The following L3MBTL4 variants were observed in gnomAD, a reference collection of about 807,000 sequenced individuals.
The protein encoded by L3MBTL4 is lethal(3)malignant brain tumor-like protein 4.
In L3MBTL4, 70 loss-of-function variants were observed where a neutral mutation model predicts 84.5. The observed-to-expected ratio is 0.83, with a 90% CI of 0.68 to 1.01. The LOEUF is 1.01. L3MBTL4 is among the 50% of genes least tolerant of loss of function. The probability of loss-of-function intolerance (pLI) is 0.00; values close to 1 mark genes in which losing one functional copy is unlikely to be tolerated. For missense variants in L3MBTL4, 715 were observed against 754.8 expected, an observed-to-expected ratio of 0.95 and a Z score of 0.62; for synonymous variants, 274 against 259.8, an observed-to-expected ratio of 1.05 and a Z score of -0.52.
At chr18:6,047,950 A>T (rs760099464) in intron 16 of L3MBTL4, among the ~76,000 whole-genome samples, 31 of 152,366 alleles carry the variant, frequency 2.0e-4, no homozygotes, top group Non-Finnish European at 4.0e-4. Context: ...AAATAGGAAA[A>T]GAATAAGTCA....
chr18:6,182,035 G>T (rs569707861), intron 12 of L3MBTL4, among the ~76,000 whole-genome samples: 2 of 152,292 alleles, frequency 1.3e-5, no homozygotes, highest in South Asian at 4.1e-4. Flanking sequence ...CTGCTGGGTT[G>T]AATGGCAATT....
intron 5 of L3MBTL4, among the ~76,000 whole-genome samples, chr18:6,248,651 T>A (rs2047790452): frequency 6.6e-6 from 1 of 152,200 alleles, no homozygotes; most frequent in Non-Finnish European, 1.5e-5. Flanking sequence ...ATGTAGGTTT[T>A]TCTTATTTCC....
Position 5,972,630 on chromosome 18 carries a change from T to C in L3MBTL4, c.1445-3068A>G, listed in dbSNP as rs190929131. 1.2e-4 allele frequency among the ~76,000 whole-genome samples: 18 copies of C among 152,272 alleles called. No individual in the cohort carries two copies. In the East Asian group the frequency reaches 3.1e-3, roughly 26 times the overall value. On this transcript the variant is annotated intron_variant, in intron 16 of 18. Coordinates refer to ENST00000317931, the MANE Select transcript of L3MBTL4 (RefSeq NM_001330559.2). ...AGTGTTTCGCGGGGGCTGTTTTGCC[T>C]TCTTTGTACTCTTTAGCAGGTCTAA...
intron 16 of L3MBTL4, among the ~76,000 whole-genome samples, chr18:6,017,280 G>T (rs11876631): frequency 0.051 from 7,801 of 152,252 alleles, 449 homozygotes; most frequent in Admixed American, 0.17. Flanking sequence ...GACAGTCTGG[G>T]CCTGCTGCTG....
chr18:6,017,415 T>C (rs903301491), intron 16 of L3MBTL4, among the ~76,000 whole-genome samples: 16 of 152,204 alleles, frequency 1.1e-4, no homozygotes, highest in Non-Finnish European at 2.2e-4. Context: ...AGCTGTGGAA[T>C]TTTATTTACT....
intron 13 of L3MBTL4, among the ~76,000 whole-genome samples, chr18:6,153,717 G>A (rs2042986128): frequency 6.6e-6 from 1 of 152,158 alleles, no homozygotes; most frequent in South Asian, 2.1e-4. Context: ...TTTTCCCCAT[G>A]CTGTTCTCAT....
intron 14 of L3MBTL4, among the ~76,000 whole-genome samples, chr18:6,096,000 T>A (rs1482727556): frequency 6.6e-6 from 1 of 152,214 alleles, no homozygotes. Context: ...ATACTATGAC[T>A]CAGAAGTTTT....
chr18:6,139,696 A>G (rs1818614364), intron 13 of L3MBTL4, among the ~76,000 whole-genome samples: 2 of 151,906 alleles, frequency 1.3e-5, no homozygotes, highest in Admixed American at 1.3e-4. Flanking sequence ...TCATCTCAAT[A>G]TTCCCCATTT....
At chr18:6,014,766 T>C (rs1454207360) in intron 16 of L3MBTL4, among the ~76,000 whole-genome samples, 2 of 152,004 alleles carry the variant, frequency 1.3e-5, no homozygotes, top group Non-Finnish European at 2.9e-5. Flanking sequence ...CCCAAGAATA[T>C]TGGGGAAACT....
intron 16 of L3MBTL4, among the ~76,000 whole-genome samples, chr18:6,060,007 G>T (rs9946356): frequency 0.075 from 11,488 of 152,224 alleles, 536 homozygotes; most frequent in African/African-American, 0.13. Flanking sequence ...AAAGAAAGTA[G>T]TAGAGTGCTG....
chr18:6,061,149 A>T (rs1046436513), intron 16 of L3MBTL4, among the ~76,000 whole-genome samples: 4 of 152,140 alleles, frequency 2.6e-5, no homozygotes, highest in African/African-American at 9.6e-5. Context: ...TGGATGACAG[A>T]GTCCCTGTTG....
intron 16 of L3MBTL4, among the ~76,000 whole-genome samples, chr18:6,051,469 G>T (rs1457488843): frequency 2.0e-5 from 3 of 152,174 alleles, no homozygotes; most frequent in Admixed American, 6.5e-5. Context: ...AACTTGCGGG[G>T]CGGAGGTTGC....
At chr18:6,285,408 G>A (rs1409614353) in intron 4 of L3MBTL4, among the ~76,000 whole-genome samples, 1 of 152,108 alleles carries the variant, frequency 6.6e-6, no homozygotes, top group Non-Finnish European at 1.5e-5. Context: ...GGAATTGGAG[G>A]TATCACTGTT....
At chr18:6,130,249 C>A (rs887335415) in intron 14 of L3MBTL4, among the ~76,000 whole-genome samples, 1 of 149,976 alleles carries the variant, frequency 6.7e-6, no homozygotes, top group Non-Finnish European at 1.5e-5. Flanking sequence ...GAGACTGACA[C>A]CCCCCACCCG....
At chr18:6,306,473 T>C (rs1342076330) in intron 3 of L3MBTL4, among the ~76,000 whole-genome samples, 1 of 152,230 alleles carries the variant, frequency 6.6e-6, no homozygotes, top group Non-Finnish European at 1.5e-5. Context: ...CTGGCATCAG[T>C]CTTCTATGAG....
At chr18:5,988,337 T>C (rs957551394) in intron 16 of L3MBTL4, among the ~76,000 whole-genome samples, 1 of 152,068 alleles carries the variant, frequency 6.6e-6, no homozygotes, top group African/African-American at 2.4e-5. Context: ...TAACAGATCA[T>C]GAGATAAAAA....
chr18:6,222,676 A>G (rs1390873781), intron 10 of L3MBTL4, among the ~76,000 whole-genome samples: 1 of 152,158 alleles, frequency 6.6e-6, no homozygotes, highest in Non-Finnish European at 1.5e-5. Flanking sequence ...CAGACCTAGC[A>G]ATCCTCACGT....
At chr18:6,062,965 A>G (rs2057279979) in intron 16 of L3MBTL4, among the ~76,000 whole-genome samples, 1 of 151,742 alleles carries the variant, frequency 6.6e-6, no homozygotes, top group African/African-American at 2.4e-5. Context: ...TATGCAGTCA[A>G]TCTTTTATCC....
intron 1 of L3MBTL4, among the ~76,000 whole-genome samples, chr18:6,375,309 G>A (rs140272661): frequency 7.9e-5 from 12 of 152,168 alleles, no homozygotes; most frequent in African/African-American, 2.9e-4. Context: ...TAAAGTCCAG[G>A]CTGCCACGGC....
Sources: gnomAD v4.1 joint callset for allele counts (sites outside exome capture counted in the v4.1 genomes callset) on GRCh38, gnomAD v4.1.1 for gene constraint, MANE v1.5 for transcripts, NCBI Gene and HGNC (gene_info 2026-07-23, HGNC 2026-07-21) for gene names.